The following GBE1 variants were observed in gnomAD, a reference collection of about 807,000 sequenced individuals.
GBE1 encodes the protein 1,4-alpha-glucan branching enzyme 1, also known as 1,4-alpha-glucan-branching enzyme.
In GBE1, 70 loss-of-function variants were observed where a neutral mutation model predicts 88.8. The ratio of observed to expected loss-of-function variants is 0.79; its 90% CI spans 0.65 to 0.96. GBE1 has a LOEUF of 0.96. GBE1 is among the 40% of genes least tolerant of loss of function. The probability of loss-of-function intolerance (pLI) is 0.00; values close to 1 mark genes in which losing one functional copy is unlikely to be tolerated. For missense variants in GBE1, 872 were observed against 871.0 expected (o/e 1.00, Z -0.01); for synonymous variants, 284 against 300.1 (o/e 0.95, Z 0.56).
chr3:81,754,672 C>T (rs1200592119), intron 1 of GBE1, among the ~76,000 whole-genome samples: 1 of 152,128 alleles, frequency 6.6e-6, no homozygotes, highest in African/African-American at 2.4e-5. Context: ...TCTAAATACA[C>T]ACATTTGCCA....
chr3:81,567,836 G>A (rs1029934275), intron 12 of GBE1, among the ~76,000 whole-genome samples: 2 of 152,126 alleles, frequency 1.3e-5, no homozygotes, highest in African/African-American at 4.8e-5. Flanking sequence ...AAGCAACAAA[G>A]GTTATCTTTG....
intron 14 of GBE1, among the ~76,000 whole-genome samples, chr3:81,509,964 A>C (rs1702703221): frequency 6.6e-6 from 1 of 152,042 alleles, no homozygotes; most frequent in African/African-American, 2.4e-5. Context: ...TTAATTCTCA[A>C]GTTAACTATT....
Position 81,561,792 on chromosome 3 carries a change from T to G in GBE1, c.1618+16133A>C, listed in dbSNP as rs148131150. ...CTGCTTCTAGGTTCAGCCTTCTCTC[T>G]CATCATTCATGATCTAAATTAGTAA... On this transcript the variant is annotated intron_variant, in intron 12 of 15. Transcript: ENST00000429644. Among the ~76,000 whole-genome samples the G allele has an allele frequency of 5.4e-3, 818 of 152,162 alleles. 5 individuals carry two copies. Among genetic ancestry groups the G allele is most frequent in the African/African-American group, 0.019 (776 of 41,536 alleles).
In GBE1 at chr3:81,726,408, T is replaced by C. The variant is rs1037213730; in HGVS notation, c.144-20795A>G. On this transcript the variant is annotated intron_variant, in intron 1 of 15. Coordinates refer to ENST00000429644, the MANE Select transcript of GBE1 (RefSeq NM_000158.4). ...AAATGGTTATTGAAACAAACAGTAA[T>C]AAAACAGATCTATCACTGGGACTCT... Among the ~76,000 whole-genome samples, 4 of 152,220 alleles carry C rather than the reference T, an allele frequency of 2.6e-5. No homozygotes were observed. The East Asian group carries it at 5.8e-4, about 22-fold the overall frequency.
At chr3:81,743,308 A>G (rs1015955819) in intron 1 of GBE1, among the ~76,000 whole-genome samples, 4 of 152,184 alleles carry the variant, frequency 2.6e-5, no homozygotes, top group Admixed American at 6.5e-5. Flanking sequence ...ACTATTATTT[A>G]AAGTTATATA....
intron 3 of GBE1, among the ~76,000 whole-genome samples, chr3:81,657,896 G>A (rs1295078100): frequency 1.3e-5 from 2 of 151,970 alleles, no homozygotes; most frequent in Non-Finnish European, 2.9e-5. Flanking sequence ...TGAGAGAGGT[G>A]GATAGAGAGA....
At position 81,513,743 on chromosome 3, in the gene GBE1, A is replaced by AACGTGGGCG. The variant is rs529942840; in HGVS notation, c.1935-14525_1935-14517dup. Among the ~76,000 whole-genome samples, 1,172 of 151,138 alleles carry AACGTGGGCG rather than the reference A, an allele frequency of 7.8e-3. 9 individuals carry two copies. Among genetic ancestry groups the AACGTGGGCG allele is most frequent in the Non-Finnish European group, 0.012 (812 of 67,764 alleles). ...TTACCCTTACTACTTGCTAAGCTCA[A>AACGTGGGCG]ACGTGGGCGACACTGTTGTTAAGCC... On this transcript the variant is annotated intron_variant, in intron 14 of 15. Coordinates refer to ENST00000429644, the MANE Select transcript of GBE1 (RefSeq NM_000158.4).
At position 81,730,257 on chromosome 3, in the gene GBE1, G is replaced by C. The variant is rs192426949; in HGVS notation, c.144-24644C>G. Among the ~76,000 whole-genome samples, 364 of 152,212 alleles carry C rather than the reference G, an allele frequency of 2.4e-3. 5 individuals carry two copies. The highest frequency in any genetic ancestry group is 8.4e-3 in the African/African-American group (349 of 41,544). ...TGAAGTCTCAATTATAATGATATTG[G>C]GTAGGAAACAGCTTGACGGGTTGAG... is the stretch of plus-strand genomic sequence containing the variant. On this transcript the variant is annotated intron_variant, in intron 1 of 15. Coordinates refer to ENST00000429644, the MANE Select transcript of GBE1 (RefSeq NM_000158.4).
rs28763900 is a variant in GBE1, at chr3:81,581,381, G to A, written c.1336-106C>T. ...TATATCAGTGCAAACTATTTGATAA[G>A]CACATATTAGTCCACCCATATAGCA... On this transcript the variant is annotated intron_variant, in intron 10 of 15. Coordinates refer to ENST00000429644, the MANE Select transcript of GBE1 (RefSeq NM_000158.4). 1,651 of 645,552 alleles carry A rather than the reference G, an allele frequency of 2.6e-3. 28 individuals carry two copies. In the African/African-American group the frequency reaches 0.029, roughly 11 times the overall value. The allele number at this position is 645,552 out of a possible 1,614,324, so 40.0% of individuals were successfully genotyped here.
chr3:81,665,074 C>T (rs1205351431), intron 3 of GBE1, among the ~76,000 whole-genome samples: 1 of 152,090 alleles, frequency 6.6e-6, no homozygotes, highest in African/African-American at 2.4e-5. Flanking sequence ...AATAGTAATA[C>T]ACATTTATAT....
intron 12 of GBE1, among the ~76,000 whole-genome samples, chr3:81,538,566 G>A (rs1703104520): frequency 6.6e-6 from 1 of 151,900 alleles, no homozygotes; most frequent in Admixed American, 6.6e-5. Context: ...ATGTCCCTCT[G>A]CTATATTTAA....
At chr3:81,500,461 T>C (rs556550698) in intron 14 of GBE1, among the ~76,000 whole-genome samples, 2 of 152,352 alleles carry the variant, frequency 1.3e-5, no homozygotes, top group South Asian at 4.1e-4. Context: ...GCTTTTGTTC[T>C]TCAAAATACT....
At chr3:81,577,279 T>C (rs962570234) in intron 12 of GBE1, among the ~76,000 whole-genome samples, 4 of 152,134 alleles carry the variant, frequency 2.6e-5, no homozygotes, top group African/African-American at 7.2e-5. Flanking sequence ...GCCTTTTGTA[T>C]ATATTCCCCA....
chr3:81,646,337 T>G (rs1424280098), intron 6 of GBE1, 55 bp downstream of exon 6: 2 of 1,119,132 alleles, frequency 1.8e-6, no homozygotes, highest in African/African-American at 3.2e-5. Context: ...TTCATTTTGT[T>G]TCTTTAAATT....
intron 13 of GBE1, among the ~76,000 whole-genome samples, chr3:81,535,945 T>G (rs913135840): frequency 1.3e-5 from 2 of 151,990 alleles, no homozygotes; most frequent in African/African-American, 4.8e-5. Context: ...TGAAAAGCCT[T>G]GGCTTTTTCA....
At chr3:81,656,619 G>A (rs1704943103) in intron 3 of GBE1, among the ~76,000 whole-genome samples, 1 of 152,122 alleles carries the variant, frequency 6.6e-6, no homozygotes. Flanking sequence ...GAATAAAATG[G>A]AAATAAACTT....
intron 7 of GBE1, among the ~76,000 whole-genome samples, chr3:81,627,712 G>A (rs546799259): frequency 6.7e-6 from 1 of 150,212 alleles, no homozygotes; most frequent in East Asian, 2.0e-4. Flanking sequence ...CTTATAATAT[G>A]CCAAGAACTG....
intron 7 of GBE1, chr3:81,612,265 C>T (rs1704192943): frequency 1.8e-6 from 1 of 551,316 alleles, no homozygotes; most frequent in Admixed American, 3.7e-5. Flanking sequence ...TCTCTGGTTC[C>T]TCATGTTGCC....
chr3:81,686,503 T>C (rs1705442933), intron 2 of GBE1, among the ~76,000 whole-genome samples: 1 of 152,180 alleles, frequency 6.6e-6, no homozygotes, highest in African/African-American at 2.4e-5. Flanking sequence ...ACGCCTGTAA[T>C]CCCAGCACTT....
Sources: gnomAD v4.1 joint callset for allele counts (sites outside exome capture counted in the v4.1 genomes callset) on GRCh38, gnomAD v4.1.1 for gene constraint, MANE v1.5 for transcripts, NCBI Gene and HGNC (gene_info 2026-07-23, HGNC 2026-07-21) for gene names.